PTPN13: variants seen among roughly 807,000 people sequenced by gnomAD.
The protein encoded by PTPN13 is protein tyrosine phosphatase non-receptor type 13.
In PTPN13, 191 loss-of-function variants were observed where a neutral mutation model predicts 284.0. The ratio of observed to expected loss-of-function variants is 0.67; its 90% CI spans 0.60 to 0.76. PTPN13 has a LOEUF of 0.76. Among genes scored for constraint, PTPN13 ranks in the 30% least tolerant of loss-of-function variants. The probability of loss-of-function intolerance (pLI) is 0.00; values close to 1 mark genes in which losing one functional copy is unlikely to be tolerated. For synonymous variants in PTPN13, 986 were observed against 1,022.3 expected (o/e 0.96, Z 0.68); for missense variants, 2,797 against 2,939.9 (o/e 0.95, Z 1.12).
chr4:86,657,007 C>T (rs905419713), intron 2 of PTPN13, among the ~76,000 whole-genome samples: 6 of 152,186 alleles, frequency 3.9e-5, no homozygotes, highest in African/African-American at 1.4e-4. Flanking sequence ...GCTCTGTGGG[C>T]GTGGGAGCCT....
At chr4:86,644,169 C>G (rs532151998) in intron 2 of PTPN13, among the ~76,000 whole-genome samples, 111 of 151,730 alleles carry the variant, frequency 7.3e-4, no homozygotes, top group African/African-American at 2.5e-3. Context: ...AAATCTCACT[C>G]TGCCACTCAG....
At position 86,716,535 on chromosome 4, in the gene PTPN13, G is replaced by A. The variant is rs376778291; in HGVS notation, c.1201G>A (p.Val401Ile). 1 of 1,573,354 alleles carries A rather than the reference G, an allele frequency of 6.4e-7. No individual in the cohort carries two copies. The highest frequency in any genetic ancestry group is 8.6e-7 in the Non-Finnish European group (1 of 1,157,812). Reference sequence around the variant, plus strand: ...TTTTGTTTTAATCCTTTTAGAACCAGTTCGAAGATACAAAACTTATCATGG... The same window carrying A: ...TTTTGTTTTAATCCTTTTAGAACCAATTCGAAGATACAAAACTTATCATGG... ...LREAMNVEEP[V>I]RRYKTYHGDV... Residue 401 changes from valine to isoleucine, a missense_variant, in exon 8 of 48, where the codon GTT becomes ATT. Transcript: ENST00000411767.
At chr4:86,719,809 A>G (rs1554321481) in intron 9 of PTPN13, among the ~76,000 whole-genome samples, 2 of 151,960 alleles carry the variant, frequency 1.3e-5, no homozygotes, top group Non-Finnish European at 2.9e-5. Context: ...CCCACTTTTT[A>G]ATAGAGTTGT....
At chr4:86,713,779 C>A (rs1732693676) in intron 7 of PTPN13, among the ~76,000 whole-genome samples, 1 of 152,040 alleles carries the variant, frequency 6.6e-6, no homozygotes, top group African/African-American at 2.4e-5. Context: ...GACTCTTATC[C>A]TTTCTTGGGG....
At chr4:86,614,548 C>T (rs1720323712) in intron 1 of PTPN13, among the ~76,000 whole-genome samples, 1 of 151,982 alleles carries the variant, frequency 6.6e-6, no homozygotes, top group African/African-American at 2.4e-5. Flanking sequence ...AAACAAATAG[C>T]CAATTCATGC....
intron 9 of PTPN13, among the ~76,000 whole-genome samples, chr4:86,718,532 C>A (rs539244269): frequency 2.6e-5 from 4 of 151,270 alleles, no homozygotes; most frequent in South Asian, 2.1e-4. Flanking sequence ...CTCACTGCAA[C>A]CTCTGTCTCC....
At chr4:86,653,499 T>C (rs1397381883) in intron 2 of PTPN13, among the ~76,000 whole-genome samples, 3 of 151,980 alleles carry the variant, frequency 2.0e-5, no homozygotes, top group Non-Finnish European at 4.4e-5. Flanking sequence ...TCAACTCTTT[T>C]TTTTTTTTTT....
intron 7 of PTPN13, among the ~76,000 whole-genome samples, chr4:86,702,231 A>G (rs1731248138): frequency 6.6e-6 from 1 of 152,236 alleles, no homozygotes; most frequent in East Asian, 1.9e-4. Context: ...GAAGCAGAAT[A>G]GCATGGTTAT....
At chr4:86,807,929 G>T in intron 45 of PTPN13, 32 bp downstream of exon 45, 1 of 1,557,682 alleles carries the variant, frequency 6.4e-7, no homozygotes, top group South Asian at 1.2e-5. Context: ...CTGTTGGAAG[G>T]TGTATCTCCT....
intron 2 of PTPN13, among the ~76,000 whole-genome samples, chr4:86,668,888 T>G (rs548778696): frequency 6.6e-6 from 1 of 151,504 alleles, no homozygotes; most frequent in African/African-American, 2.4e-5. Flanking sequence ...ATTACAGGCA[T>G]GAGCCACTGC....
chr4:86,595,586 C>A, intron 1 of PTPN13: 1 of 172,666 alleles, frequency 5.8e-6, no homozygotes, highest in Non-Finnish European at 1.2e-5. Context: ...TGATCGACAC[C>A]ACCGCACACT....
intron 25 of PTPN13, 152 bp downstream of exon 25, chr4:86,764,876 TA>T (rs907009452): frequency 2.2e-6 from 2 of 911,604 alleles, no homozygotes; most frequent in Non-Finnish European, 3.1e-6. Flanking sequence ...AAAACTATTT[TA>T]AAAATTGTGT....
At chr4:86,710,439 T>G (rs1419905501) in intron 7 of PTPN13, among the ~76,000 whole-genome samples, 1 of 152,224 alleles carries the variant, frequency 6.6e-6, no homozygotes, top group African/African-American at 2.4e-5. Context: ...CAATTTGTGT[T>G]GGCTTAGATT....
At chr4:86,752,590 A>G (rs918674177) in intron 19 of PTPN13, among the ~76,000 whole-genome samples, 4 of 152,190 alleles carry the variant, frequency 2.6e-5, no homozygotes, top group Non-Finnish European at 2.9e-5. Context: ...TTTGGTCTAC[A>G]TGAAAATTCA....
chr4:86,672,630 G>GA (rs1465615506), intron 3 of PTPN13, 87 bp downstream of exon 3: 6 of 1,064,218 alleles, frequency 5.6e-6, no homozygotes, highest in African/African-American at 3.3e-5. Context: ...TCAACCCTCT[G>GA]AAAAATCTAT....
At chr4:86,747,732 G>C (rs547752962) in intron 17 of PTPN13, among the ~76,000 whole-genome samples, 1 of 152,278 alleles carries the variant, frequency 6.6e-6, no homozygotes, top group Admixed American at 6.5e-5. Flanking sequence ...ATGTATCCTT[G>C]CCCTCAAAAG....
chr4:86,644,821 A>C (rs1209894684), intron 2 of PTPN13, among the ~76,000 whole-genome samples: 2 of 152,206 alleles, frequency 1.3e-5, no homozygotes, highest in Admixed American at 1.3e-4. Flanking sequence ...ATAATTGACC[A>C]TAGTAATGAC....
At chr4:86,777,058 T>C (rs1312695162) in intron 35 of PTPN13, among the ~76,000 whole-genome samples, 1 of 152,256 alleles carries the variant, frequency 6.6e-6, no homozygotes, top group Non-Finnish European at 1.5e-5. Context: ...AACATGCTAA[T>C]AGCAACTTTT....
intron 36 of PTPN13, among the ~76,000 whole-genome samples, 200 bp downstream of exon 36, chr4:86,780,672 A>G (rs983526661): frequency 1.3e-5 from 2 of 152,256 alleles, no homozygotes; most frequent in Non-Finnish European, 2.9e-5. Context: ...AAATGTTTCT[A>G]GCACTTACTT....
Sources: gnomAD v4.1 joint callset for allele counts (sites outside exome capture counted in the v4.1 genomes callset) on GRCh38, gnomAD v4.1.1 for gene constraint, MANE v1.5 for transcripts, NCBI Gene and HGNC (gene_info 2026-07-23, HGNC 2026-07-21) for gene names.